Variants in LPCAT3 observed in about 807,000 individuals in gnomAD.
LPCAT3 encodes the protein lysophospholipid acyltransferase 5.
In LPCAT3, 21 loss-of-function variants were observed where a neutral mutation model predicts 63.4. The observed-to-expected ratio is 0.33, with a 90% confidence interval of 0.23 to 0.48. The LOEUF is 0.48. LPCAT3 is among the 20% of genes least tolerant of loss of function. The pLI, the probability that LPCAT3 is intolerant of heterozygous loss-of-function variation, is 0.99. For synonymous variants in LPCAT3, 242 were observed against 227.5 expected (o/e 1.06, Z -0.58); for missense variants, 451 against 590.6 (o/e 0.76, Z 2.45).
chr12:6,977,850 G>A lies in LPCAT3; in HGVS notation c.1041-105C>T. The A allele has an allele frequency of 7.4e-7, 1 of 1,343,454 alleles. No homozygotes were observed. Among genetic ancestry groups the A allele is most frequent in the South Asian group, 1.3e-5 (1 of 78,238 alleles). 83.2% of individuals were successfully genotyped at this position (1,343,454 alleles called of 1,614,324 possible). ...GAGGATTGGATTGGAGTGCTGGTGG[G>A]TTCCCACGTGTAGCCCCCAGAGGGT... is the stretch of plus-strand genomic sequence containing the variant. On this transcript the variant is annotated intron_variant, in intron 9 of 12. Transcript: ENST00000261407. The surrounding 1 kb of genome is among the most constrained non-coding windows in gnomAD (Gnocchi z 4.5).
rs782675174 is a variant in LPCAT3, at chr12:6,982,852, G to A, written c.260-70C>T. The A allele has an allele frequency of 5.1e-5, 49 of 963,702 alleles. 1 individual carries two copies. Among genetic ancestry groups the A allele is most frequent in the Middle Eastern group, 4.2e-4 (2 of 4,782 alleles). The allele number at this position is 963,702 out of a possible 1,614,324, so 59.7% of individuals were successfully genotyped here. A position where few individuals can be genotyped will look rare whatever the true frequency, so the allele number is the denominator to read the frequency against. On this transcript the variant is annotated intron_variant, in intron 2 of 12. Transcript: ENST00000261407. ...CCGTCCTGAGACTTCCAATCACAAC[G>A]TAATATATAAAGAAAAAATGTTGGC...
At chr12:6,983,166 C>T (rs935911558) in intron 2 of LPCAT3, 1 of 465,930 alleles carries the variant, frequency 2.1e-6, no homozygotes, top group South Asian at 2.0e-5. Flanking sequence ...CATTCAGTTA[C>T]ATCCACAGCA....
At chr12:6,984,837 G>T (rs1302346460) in intron 1 of LPCAT3, among the ~76,000 whole-genome samples, 2 of 152,100 alleles carry the variant, frequency 1.3e-5, no homozygotes, top group African/African-American at 4.8e-5. Context: ...TTCCTGCCTT[G>T]GCCTCCCAAA....
At chr12:6,978,106 C>T (rs1264285013) in intron 9 of LPCAT3, 1 of 571,880 alleles carries the variant, frequency 1.7e-6, no homozygotes, top group African/African-American at 1.9e-5. Context: ...ATTGGCAGAG[C>T]TGGAGTAACA....
intron 1 of LPCAT3, among the ~76,000 whole-genome samples, chr12:7,006,499 G>T (rs970113982): frequency 1.3e-5 from 2 of 152,174 alleles, no homozygotes; most frequent in Non-Finnish European, 2.9e-5. Context: ...GATTACAGGC[G>T]TGAGCCATGG....
intron 1 of LPCAT3, among the ~76,000 whole-genome samples, chr12:7,001,895 C>T (rs192245077): frequency 1.6e-3 from 247 of 152,134 alleles, no homozygotes; most frequent in Non-Finnish European, 3.1e-3. Context: ...AAGAACAGAA[C>T]GCAGCCAGAA....
intron 7 of LPCAT3, 86 bp downstream of exon 7, chr12:6,979,385 A>C (rs985208938): frequency 2.0e-6 from 2 of 980,124 alleles, no homozygotes; most frequent in Non-Finnish European, 3.2e-6. Flanking sequence ...GATATTTCCT[A>C]CTTCTCTGCT....
Position 6,982,675 on chromosome 12 carries a change from CCATCTGGAAG to C in LPCAT3, c.357_366del (p.Cys119TrpfsTer27). The C allele has an allele frequency of 6.2e-7, 1 of 1,607,732 alleles. No individual in the cohort carries two copies. The highest frequency in any genetic ancestry group is 8.5e-7 in the Non-Finnish European group (1 of 1,174,292). ...TGAGCTGCTAAGGGAAAGACGTTTACCATCTGGAAGCAAAAGGTAGTGAGGACGGCAGTGA... is the reference window on the plus strand; with the variant it reads ...TGAGCTGCTAAGGGAAAGACGTTTACCAAAAGGTAGTGAGGACGGCAGTGA... On this transcript the variant is annotated frameshift_variant and splice_region_variant, in exon 3 of 13. Coordinates refer to ENST00000261407, the MANE Select transcript of LPCAT3 (RefSeq NM_005768.6). LOFTEE classifies it high-confidence loss of function.
rs1394940791 is a variant in LPCAT3 at position 7,017,021 on chromosome 12, A to G, written c.151+1253T>C. Among the ~76,000 whole-genome samples the G allele has an allele frequency of 6.6e-6, 1 of 152,202 alleles. No homozygotes were observed. Among genetic ancestry groups the G allele is most frequent in the East Asian group, 1.9e-4 (1 of 5,202 alleles). The stretch of plus-strand genomic sequence containing the variant: ...CTATCCCATTATCTAGATTGGGTTA[A>G]CACCCTCTGGTGATATTATATATCA... On this transcript the variant is annotated intron_variant, in intron 1 of 12. Coordinates refer to ENST00000261407, the MANE Select transcript of LPCAT3 (RefSeq NM_005768.6). The surrounding 1 kb of genome is among the most constrained non-coding windows in gnomAD (Gnocchi z 4.1).
At chr12:6,998,158 G>A (rs1227187768) in intron 1 of LPCAT3, among the ~76,000 whole-genome samples, 1 of 152,180 alleles carries the variant, frequency 6.6e-6, no homozygotes, top group African/African-American at 2.4e-5. Flanking sequence ...TGAGACCACA[G>A]GAATGTACTA....
intron 9 of LPCAT3, 111 bp downstream of exon 9, chr12:6,978,230 C>T: frequency 7.7e-7 from 1 of 1,298,954 alleles, no homozygotes; most frequent in Non-Finnish European, 1.1e-6. Flanking sequence ...ACAGGGGGTT[C>T]TGCCCAGATG....
In LPCAT3 at chr12:6,977,900, C is replaced by T; in HGVS notation, c.1041-155G>A. 1.2e-6 allele frequency: 1 copy of T among 850,892 alleles called. No homozygotes were observed. The highest frequency in any genetic ancestry group is 1.8e-6 in the Non-Finnish European group (1 of 546,618). 52.7% of individuals were successfully genotyped at this position (850,892 alleles called of 1,614,324 possible). ...TACAGGAGGCAGTGCTGACTGATTA[C>T]TTTTAGAGATGGAAAGCAGACCCAA... On this transcript the variant is annotated intron_variant, in intron 9 of 12. Coordinates refer to ENST00000261407, the MANE Select transcript of LPCAT3 (RefSeq NM_005768.6). This position sits in a 1 kb window ranked among gnomAD's most constrained non-coding sequence, Gnocchi z 4.5.
At position 7,017,110 on chromosome 12, in the gene LPCAT3, T is replaced by C. The variant is rs782626921; in HGVS notation, c.151+1164A>G. On this transcript the variant is annotated intron_variant, in intron 1 of 12. Coordinates refer to ENST00000261407, the MANE Select transcript of LPCAT3 (RefSeq NM_005768.6). This position sits in a 1 kb window ranked among gnomAD's most constrained non-coding sequence, Gnocchi z 4.1. The stretch of plus-strand genomic sequence containing the variant: ...TCTGGCATTTAAGGCTTTCCACACC[T>C]GCCCAACTTTATCTCAAACTTCTCA... Among the ~76,000 whole-genome samples the C allele has an allele frequency of 6.6e-6, 1 of 152,350 alleles. No homozygotes were observed. Among genetic ancestry groups the C allele is most frequent in the African/African-American group, 2.4e-5 (1 of 41,588 alleles).
In LPCAT3 at chr12:7,018,158, C is replaced by T. The variant is rs1299248193; in HGVS notation, c.151+116G>A. 1.7e-5 allele frequency: 21 copies of T among 1,249,674 alleles called. No individual in the cohort carries two copies. The African/African-American group carries it at 2.1e-4, about 12-fold the overall frequency. The allele number at this position is 1,249,674 out of a possible 1,614,324, so 77.4% of individuals were successfully genotyped here. On this transcript the variant is annotated intron_variant, in intron 1 of 12. Coordinates refer to ENST00000261407, the MANE Select transcript of LPCAT3 (RefSeq NM_005768.6). The surrounding 1 kb of genome is among the most constrained non-coding windows in gnomAD (Gnocchi z 4.9). ...GTTGGTGTGCTTCAGGATTCACACC[C>T]GCACCCGGCACAGCCCTCCCGGGTG... is the stretch of plus-strand genomic sequence containing the variant.
Position 7,014,892 on chromosome 12 carries a change from C to CAAAAAAAAAAAA in LPCAT3, c.151+3370_151+3381dup, listed in dbSNP as rs375839002. Among the ~76,000 whole-genome samples the CAAAAAAAAAAAA allele has an allele frequency of 9.4e-4, 54 of 57,572 alleles. 2 individuals carry two copies. The highest frequency in any genetic ancestry group is 1.6e-3 in the Non-Finnish European group (44 of 26,780). 37.8% of individuals were successfully genotyped at this position (57,572 alleles called of 152,430 possible). A position where few individuals can be genotyped will look rare whatever the true frequency, so the allele number is the denominator to read the frequency against. ...TGGGTGACAGAGCGAGACTCCGTCTCAAAAAAAAAAAAAAAAAAAAAATTG... is the reference window on the plus strand; with the variant it reads ...TGGGTGACAGAGCGAGACTCCGTCTCAAAAAAAAAAAAAAAAAAAAAAAAAAAAAAAAAATTG... On this transcript the variant is annotated intron_variant, in intron 1 of 12. Coordinates refer to ENST00000261407, the MANE Select transcript of LPCAT3 (RefSeq NM_005768.6).
chr12:6,992,671 A>C (rs1181120320), intron 1 of LPCAT3, among the ~76,000 whole-genome samples: 2 of 152,138 alleles, frequency 1.3e-5, no homozygotes, highest in Non-Finnish European at 2.9e-5. Flanking sequence ...TAATACCCAA[A>C]TCCACTAGTC....
chr12:6,993,371 T>C (rs782510341), intron 1 of LPCAT3, among the ~76,000 whole-genome samples: 8 of 151,536 alleles, frequency 5.3e-5, no homozygotes, highest in African/African-American at 1.5e-4. Flanking sequence ...GAGGCAGAGA[T>C]TGCAGTGAGC....
intron 1 of LPCAT3, among the ~76,000 whole-genome samples, chr12:7,016,597 TA>T (rs1946799159): frequency 6.6e-6 from 1 of 151,992 alleles, no homozygotes; most frequent in Non-Finnish European, 1.5e-5. Context: ...TAGAGACAAA[TA>T]AAATGTTGCC....
intron 1 of LPCAT3, among the ~76,000 whole-genome samples, chr12:6,990,402 G>A (rs898673211): frequency 1.5e-4 from 22 of 149,592 alleles, no homozygotes; most frequent in Non-Finnish European, 2.8e-4. Context: ...CCAGCTACTC[G>A]GGAGGCTGAG....
Sources: gnomAD v4.1 joint callset for allele counts (sites outside exome capture counted in the v4.1 genomes callset) on GRCh38, gnomAD v4.1.1 for gene constraint, Gnocchi (gnomAD v3.1) non-coding constraint, MANE v1.5 for transcripts, NCBI Gene and HGNC (gene_info 2026-07-23, HGNC 2026-07-21) for gene names.